The following SORL1 variants were observed in gnomAD, a reference collection of about 807,000 sequenced individuals.
SORL1 encodes the protein sortilin-related receptor.
A neutral mutation model predicts 273.7 loss-of-function variants in SORL1; 127 were observed. That is an observed-to-expected ratio of 0.46 (90% confidence interval 0.40 to 0.54). SORL1 has a LOEUF of 0.54. Among genes scored for constraint, SORL1 ranks in the 20% least tolerant of loss-of-function variants. SORL1 has a pLI of 0.00. For synonymous variants in SORL1, 1,031 were observed against 1,067.4 expected, an observed-to-expected ratio of 0.97 and a Z score of 0.66; for missense variants, 2,494 against 2,846.1, an observed-to-expected ratio of 0.88 and a Z score of 2.81.
chr11:121,480,672 C>T (rs1400663803), intron 3 of SORL1, among the ~76,000 whole-genome samples: 1 of 145,826 alleles, frequency 6.9e-6, no homozygotes, highest in African/African-American at 2.6e-5. Context: ...AGCTTCTCCC[C>T]TAGTGCACAG....
rs10892756 is a variant in SORL1, at chr11:121,563,847, C to T, written c.3050-3093C>T. 0.12 allele frequency among the ~76,000 whole-genome samples: 18,667 copies of T among 152,186 alleles called. 1,583 individuals carry two copies. Among genetic ancestry groups the T allele is most frequent in the African/African-American group, 0.25 (10,310 of 41,486 alleles). ...GGAATTCTTTTGCAGTTTTGGAATT[C>T]TCCTTTAGAGCCTGCAGTAAGTATG... On this transcript the variant is annotated intron_variant, in intron 21 of 47. Transcript: ENST00000260197. The surrounding 1 kb of genome is among the most constrained non-coding windows in gnomAD (Gnocchi z 4.2).
chr11:121,533,895 T>G (rs949914280), intron 12 of SORL1, among the ~76,000 whole-genome samples: 1 of 152,240 alleles, frequency 6.6e-6, no homozygotes, highest in Non-Finnish European at 1.5e-5. Flanking sequence ...AGAGGTCCTG[T>G]TTGTGTGCAA....
At chr11:121,601,126 T>C (rs1863384374) in intron 32 of SORL1, among the ~76,000 whole-genome samples, 3 of 145,424 alleles carry the variant, frequency 2.1e-5, no homozygotes. Flanking sequence ...AGTTCCCACC[T>C]ATGAGTGAGA....
intron 44 of SORL1, 24 bp from the exon 45 acceptor site, chr11:121,622,138 T>G: frequency 7.8e-7 from 1 of 1,286,962 alleles, no homozygotes; most frequent in East Asian, 2.3e-5. Context: ...ACTAACCGCA[T>G]CCCATCTCAT....
chr11:121,542,971 G>A (rs1367710669), intron 12 of SORL1, among the ~76,000 whole-genome samples: 2 of 150,734 alleles, frequency 1.3e-5, no homozygotes, highest in African/African-American at 4.9e-5. Context: ...AGGTCAGGAG[G>A]TCGAGATCAT....
At position 121,574,019 on chromosome 11, in the gene SORL1, C is replaced by T. The variant is rs1016799570; in HGVS notation, c.3338-222C>T. Among the ~76,000 whole-genome samples the T allele has an allele frequency of 3.9e-5, 6 of 152,180 alleles. No homozygotes were observed. The East Asian group carries it at 5.8e-4, about 15-fold the overall frequency. On this transcript the variant is annotated intron_variant, in intron 23 of 47. Transcript: ENST00000260197. ...TTTCTCACTTTTCCCCGTCCTGTTC[C>T]GATCTGGAAGCTGTCCACAGAAAGA...
intron 25 of SORL1, among the ~76,000 whole-genome samples, chr11:121,580,136 T>C (rs923767693): frequency 2.0e-5 from 3 of 152,244 alleles, no homozygotes; most frequent in African/African-American, 7.2e-5. Flanking sequence ...CTTATCCTGC[T>C]TGAGACTTTG....
intron 6 of SORL1, 36 bp from the exon 7 acceptor site, chr11:121,512,967 G>T: frequency 7.2e-7 from 1 of 1,387,534 alleles, no homozygotes; most frequent in Non-Finnish European, 1.0e-6. Flanking sequence ...CTGTAATGTG[G>T]CACCATTAAT....
At chr11:121,478,344 C>G in intron 3 of SORL1, 101 bp downstream of exon 3, 1 of 1,324,518 alleles carries the variant, frequency 7.5e-7, no homozygotes, top group Non-Finnish European at 1.0e-6. Flanking sequence ...TCTCTGTGAT[C>G]TTTGTAGCAT....
rs554657053 is a variant in SORL1 at position 121,572,857 on chromosome 11, A to G, written c.3338-1384A>G. On this transcript the variant is annotated intron_variant, in intron 23 of 47. Coordinates refer to ENST00000260197, the MANE Select transcript of SORL1 (RefSeq NM_003105.6). ...TTGCATTCATCCCCTGCCTCCCACC[A>G]CGAGCTCAATTACAGAGAAGAAATG... is the stretch of plus-strand genomic sequence containing the variant. Among the ~76,000 whole-genome samples the G allele has an allele frequency of 3.3e-5, 5 of 152,252 alleles. No homozygotes were observed. In the East Asian group the frequency reaches 9.7e-4, roughly 29 times the overall value.
intron 13 of SORL1, among the ~76,000 whole-genome samples, 173 bp from the exon 14 acceptor site, chr11:121,545,070 C>A (rs1862405068): frequency 6.6e-6 from 1 of 152,216 alleles, no homozygotes; most frequent in South Asian, 2.1e-4. Flanking sequence ...GTATCCTTTT[C>A]ATTGGCATAG....
intron 7 of SORL1, 116 bp downstream of exon 7, chr11:121,513,220 A>T: frequency 1.3e-6 from 1 of 781,002 alleles, no homozygotes; most frequent in Non-Finnish European, 2.3e-6. Flanking sequence ...GCCTCCCTGA[A>T]GTCAGGTCTC....
At chr11:121,516,996 G>A (rs557195139) in intron 8 of SORL1, among the ~76,000 whole-genome samples, 2 of 152,174 alleles carry the variant, frequency 1.3e-5, no homozygotes, top group East Asian at 3.9e-4. Context: ...AGGATGCAGT[G>A]AGCCAAGATC....
intron 25 of SORL1, among the ~76,000 whole-genome samples, chr11:121,579,065 T>G (rs1276733598): frequency 2.0e-5 from 3 of 152,230 alleles, no homozygotes; most frequent in African/African-American, 7.2e-5. Context: ...CACAACTGCC[T>G]TACTCAAATT....
intron 1 of SORL1, among the ~76,000 whole-genome samples, chr11:121,466,215 G>A (rs1861080064): frequency 6.6e-6 from 1 of 152,124 alleles, no homozygotes; most frequent in South Asian, 2.1e-4. Flanking sequence ...TTCACACCCC[G>A]GGGTTGTGGT....
At chr11:121,474,624 A>G (rs928985264) in intron 2 of SORL1, among the ~76,000 whole-genome samples, 1 of 152,232 alleles carries the variant, frequency 6.6e-6, no homozygotes, top group African/African-American at 2.4e-5. Context: ...TTTAGGGAGT[A>G]GCATCATATT....
intron 16 of SORL1, among the ~76,000 whole-genome samples, chr11:121,551,637 G>A (rs1051193157): frequency 6.6e-6 from 1 of 152,152 alleles, no homozygotes; most frequent in Admixed American, 6.5e-5. Context: ...GTGGGTGGTG[G>A]TGTCTTACGT....
chr11:121,621,148 A>G lies in SORL1; in HGVS notation c.5974A>G (p.Thr1992Ala). 6.2e-7 allele frequency: 1 copy of G among 1,614,100 alleles called. No homozygotes were observed. The highest frequency in any genetic ancestry group is 2.2e-5 in the East Asian group (1 of 44,886). The change falls in exon 44 of 48, where the codon ACC becomes GCC. Residue 1992 changes from threonine to alanine, a missense_variant. Transcript: ENST00000260197. ...VKSRNSTVEY[T>A]LNKLEPGGKY... ...ATCCCGTAACAGCACTGTGGAATAC[A>G]CCCTTAACAAGTTGGAGCCTGGCGG...
chr11:121,532,426 C>G (rs1265708290), intron 11 of SORL1, 38 bp from the exon 12 acceptor site: 1 of 1,588,364 alleles, frequency 6.3e-7, no homozygotes, highest in African/African-American at 1.3e-5. Flanking sequence ...ACAATTACCT[C>G]CACAGCAGTG....
Sources: gnomAD v4.1 joint callset for allele counts (sites outside exome capture counted in the v4.1 genomes callset) on GRCh38, gnomAD v4.1.1 for gene constraint, Gnocchi (gnomAD v3.1) non-coding constraint, MANE v1.5 for transcripts, NCBI Gene and HGNC (gene_info 2026-07-23, HGNC 2026-07-21) for gene names.